The following ITGAE variants were observed in gnomAD, a reference collection of about 807,000 sequenced individuals.
The protein encoded by ITGAE is integrin subunit alpha E.
Under a neutral mutation model 136.5 loss-of-function variants are expected in ITGAE, and 99 were observed. That is an observed-to-expected ratio of 0.73 (90% confidence interval 0.62 to 0.86). ITGAE has a LOEUF of 0.86. Among genes scored for constraint, ITGAE ranks in the 40% least tolerant of loss-of-function variants. ITGAE has a pLI of 0.00. For synonymous variants in ITGAE, 613 were observed against 591.8 expected (o/e 1.04, Z -0.52); for missense variants, 1,447 against 1,515.3 (o/e 0.95, Z 0.75).
chr17:3,777,673 G>C lies in ITGAE; in HGVS notation c.35-13C>G. On this transcript the variant is annotated splice_polypyrimidine_tract_variant and intron_variant, in intron 1 of 30. Transcript: ENST00000263087. ...AGCAGGGCCAGGCCTGTAGGGAAAA[G>C]AGGAGCGTTTAATGAAAGAGGCCTT... 1 of 1,598,926 alleles carries C rather than the reference G, an allele frequency of 6.3e-7. No homozygotes were observed. Among genetic ancestry groups the C allele is most frequent in the East Asian group, 2.2e-5 (1 of 44,654 alleles).
intron 3 of ITGAE, 109 bp from the exon 4 acceptor site, chr17:3,762,091 C>T (rs749785631): frequency 6.1e-6 from 5 of 823,150 alleles, no homozygotes; most frequent in Non-Finnish European, 9.9e-6. Context: ...CCATGAGGAA[C>T]TGTTGGCCAC....
chr17:3,762,037 C>A, intron 3 of ITGAE, 55 bp from the exon 4 acceptor site: 1 of 1,517,672 alleles, frequency 6.6e-7, no homozygotes, highest in Non-Finnish European at 9.1e-7. Flanking sequence ...AGGCAGAGAC[C>A]CGAAGCCAAG....
intron 20 of ITGAE, among the ~76,000 whole-genome samples, chr17:3,735,180 T>G (rs2051434388): frequency 6.6e-6 from 1 of 152,126 alleles, no homozygotes; most frequent in African/African-American, 2.4e-5. Context: ...TATTTTTATT[T>G]TTTTGAGACG....
chr17:3,742,675 C>T (rs1375755609), intron 19 of ITGAE, among the ~76,000 whole-genome samples: 3 of 151,764 alleles, frequency 2.0e-5, no homozygotes, highest in South Asian at 2.1e-4. Context: ...GATGGAGTCT[C>T]GCTCTGTTGC....
At chr17:3,744,608 C>T (rs984361895) in intron 18 of ITGAE, among the ~76,000 whole-genome samples, 1 of 152,050 alleles carries the variant, frequency 6.6e-6, no homozygotes. Flanking sequence ...CCACGCCTGG[C>T]TAATTTTTGT....
At chr17:3,728,388 T>G (rs112223991) in intron 24 of ITGAE, 1 of 410,996 alleles carries the variant, frequency 2.4e-6, no homozygotes, top group South Asian at 2.6e-5. Flanking sequence ...TTTTTTTTTT[T>G]TTTGAGGTGG....
In ITGAE at chr17:3,755,191, C is replaced by G. The variant is rs748158958; in HGVS notation, c.1310G>C (p.Ser437Thr). ...CTGGTTCAGGAAGCGGCCCCGGCGG[C>G]TGCGTGTGTCGTAGAGCAACGCCCC... ...SGGALLYDTR[S>T]RRGRFLNQTA... Residue 437 changes from serine (S) to threonine (T), a missense_variant, in exon 12 of 31, where the codon AGC becomes ACC. Physicochemically the swap from Ser to Thr is moderately conservative, Grantham distance 58. Transcript: ENST00000263087. 6.3e-7 allele frequency: 1 copy of G among 1,579,662 alleles called. No homozygotes were observed.
chr17:3,732,733 T>C (rs921464580), intron 21 of ITGAE, among the ~76,000 whole-genome samples: 10 of 152,266 alleles, frequency 6.6e-5, no homozygotes, highest in Non-Finnish European at 1.2e-4. Flanking sequence ...TGGAGAAATA[T>C]GAATTCCAAC....
rs775990702 is a variant in ITGAE, at chr17:3,732,466, G to T, written c.2656C>A (p.Pro886Thr). The T allele has an allele frequency of 1.7e-5, 27 of 1,612,594 alleles. No homozygotes were observed. Among genetic ancestry groups the T allele is most frequent in the Admixed American group, 1.7e-4 (10 of 59,988 alleles). The change falls in exon 22 of 31, where the codon CCT becomes ACT. Residue 886 changes from proline to threonine, a missense_variant and splice_region_variant. Pro to Thr is a conservative substitution (Grantham distance 38, BLOSUM62 -1). Transcript: ENST00000263087. ...TCACACTGAATGTTTGGAGAGGGAG[G>T]CTGTTAAAAGAGCAGATGACATTCT... ...RNLQLKRMQK[P>T]PSPNIQCDDP...
At chr17:3,721,178 C>T (rs1177312292) in intron 28 of ITGAE, among the ~76,000 whole-genome samples, 1 of 151,704 alleles carries the variant, frequency 6.6e-6, no homozygotes, top group Non-Finnish European at 1.5e-5. Flanking sequence ...ATCCACCCAC[C>T]TTAGCCTCCC....
chr17:3,767,026 T>C (rs1386545504), intron 2 of ITGAE, among the ~76,000 whole-genome samples: 1 of 151,388 alleles, frequency 6.6e-6, no homozygotes, highest in Non-Finnish European at 1.5e-5. Context: ...CCTCACTTCG[T>C]CGTGTTTTCA....
Position 3,764,696 on chromosome 17 carries a change from C to CATAA in ITGAE, c.156-740_156-737dup, listed in dbSNP as rs757192480. 4.9e-4 allele frequency among the ~76,000 whole-genome samples: 74 copies of CATAA among 152,032 alleles called. 1 individual carries two copies. Among genetic ancestry groups the CATAA allele is most frequent in the South Asian group, 1.0e-3 (5 of 4,810 alleles). ...TGGGGGACAGAGTGTGACTTCGTCTCATAAATAAATAAATAAATAAAAGAA... is the reference window on the plus strand; with the variant it reads ...TGGGGGACAGAGTGTGACTTCGTCTCATAAATAAATAAATAAATAAATAAAAGAA... On this transcript the variant is annotated intron_variant, in intron 2 of 30. Coordinates refer to ENST00000263087, the MANE Select transcript of ITGAE (RefSeq NM_002208.5).
At chr17:3,763,431 A>G (rs192145849) in intron 3 of ITGAE, among the ~76,000 whole-genome samples, 2 of 152,238 alleles carry the variant, frequency 1.3e-5, no homozygotes, top group Non-Finnish European at 2.9e-5. Context: ...GGTGAATTGC[A>G]CTGAGGTGTG....
chr17:3,770,866 A>C (rs1433525656), intron 2 of ITGAE, among the ~76,000 whole-genome samples: 1 of 152,140 alleles, frequency 6.6e-6, no homozygotes, highest in South Asian at 2.1e-4. Context: ...GGGGCTGTGA[A>C]TGTCGGTGGG....
In ITGAE at chr17:3,794,095, A is replaced by C. The variant is rs149695775; in HGVS notation, c.34+7016T>G. 4.0e-3 allele frequency among the ~76,000 whole-genome samples: 602 copies of C among 148,722 alleles called. 4 individuals carry two copies. Among genetic ancestry groups the C allele is most frequent in the African/African-American group, 0.014 (563 of 40,302 alleles). On this transcript the variant is annotated intron_variant, in intron 1 of 30. Coordinates refer to ENST00000263087, the MANE Select transcript of ITGAE (RefSeq NM_002208.5). ...CTGGGTTCAAGCGATTCTCCTGCCT[A>C]AGCCTCCCAAGTAGCTGGGATTACA...
intron 26 of ITGAE, chr17:3,725,498 C>A (rs1161695712): frequency 6.2e-7 from 1 of 1,614,174 alleles, no homozygotes; most frequent in Non-Finnish European, 8.5e-7. Context: ...CAGATTTAGT[C>A]AATGGATCCC....
intron 27 of ITGAE, 147 bp from the exon 28 acceptor site, chr17:3,723,530 A>G: frequency 1.0e-6 from 1 of 993,204 alleles, no homozygotes; most frequent in African/African-American, 1.6e-5. Flanking sequence ...GCGAAGCTCC[A>G]GCGGGAGCAA....
At position 3,760,257 on chromosome 17, in the gene ITGAE, G is replaced by A. The variant is rs1185531756; in HGVS notation, c.629C>T (p.Ser210Leu). Residue 210 changes from serine (S) to leucine (L), a missense_variant, in exon 7 of 31, where the codon TCA becomes TTA. Transcript: ENST00000263087. ...AAAGTCTGGGGGATCAATGCTTCCTGAGCCATCCAGGATGATGGCAATCTC... is the reference window on the plus strand; with the variant it reads ...AAAGTCTGGGGGATCAATGCTTCCTAAGCCATCCAGGATGATGGCAATCTC... ...GTEIAIILDG[S>L]GSIDPPDFQR... 6.2e-7 allele frequency: 1 copy of A among 1,613,550 alleles called. No individual in the cohort carries two copies. Among genetic ancestry groups the A allele is most frequent in the East Asian group, 2.2e-5 (1 of 44,846 alleles).
intron 1 of ITGAE, among the ~76,000 whole-genome samples, chr17:3,800,272 C>CA (rs1204615985): frequency 6.6e-6 from 1 of 152,164 alleles, no homozygotes; most frequent in Non-Finnish European, 1.5e-5. Context: ...AGCCTCAGCC[C>CA]ATCTTTCAGG....
Sources: allele counts gnomAD v4.1 joint callset (sites outside exome capture counted in the v4.1 genomes callset), GRCh38; gene constraint gnomAD v4.1.1; transcripts MANE v1.5; gene names NCBI Gene and HGNC (gene_info 2026-07-23, HGNC 2026-07-21).